The following GHRL variants were observed in gnomAD, a reference collection of about 807,000 sequenced individuals.
The protein encoded by GHRL is appetite-regulating hormone.
Under a neutral mutation model 16.9 loss-of-function variants are expected in GHRL, and 24 were observed. The ratio of observed to expected loss-of-function variants is 1.42; its 90% CI spans 1.03 to 2.00. The LOEUF (loss-of-function observed/expected upper bound fraction) is 2.00, where lower values mean the gene tolerates loss of function less well. Among genes scored for constraint, GHRL ranks in the 30% most tolerant of loss-of-function variants. The pLI is 0.00. For missense variants in GHRL, 193 were observed against 142.1 expected (o/e 1.36, Z -1.82); for synonymous variants, 63 against 58.2 (o/e 1.08, Z -0.37).
intron 4 of GHRL, chr3:10,287,266 TCTC>T (rs1699220808): frequency 6.4e-6 from 1 of 155,332 alleles, no homozygotes; most frequent in African/African-American, 2.4e-5. Context: ...GTCTGTTTCT[TCTC>T]CTTTTTCTCC....
chr3:10,286,488 A>G (rs867966187), intron 5 of GHRL, among the ~76,000 whole-genome samples: 2 of 152,248 alleles, frequency 1.3e-5, no homozygotes, highest in South Asian at 2.1e-4. Context: ...TTAATGTACT[A>G]GTTCTTAGAA....
Position 10,289,851 on chromosome 3 carries a change from C to T in GHRL, c.136G>A (p.Ala46Thr). 1 of 1,613,682 alleles carries T rather than the reference C, an allele frequency of 6.2e-7. No individual in the cohort carries two copies. The highest frequency in any genetic ancestry group is 8.5e-7 in the Non-Finnish European group (1 of 1,179,762). Residue 46 changes from alanine to threonine, a missense_variant, in exon 4 of 6, where the codon GCC (alanine) becomes ACC (threonine). By Grantham distance (58) the Ala-to-Thr change is moderately conservative (BLOSUM62 0). Transcript: ENST00000335542. ...GCTAGAGCTCGGGGCTGCAGCTTGG[C>T]TGGTGGCTTCTTCGACTCCTTTCTC... ...QQRKESKKPP[A>T]KLQPRALAGW...
chr3:10,285,738 G>A lies in GHRL; in HGVS notation c.*137C>T. 2 of 619,840 alleles carry A rather than the reference G, an allele frequency of 3.2e-6. No homozygotes were observed. The allele number at this position is 619,840 out of a possible 1,614,324, so 38.4% of individuals were successfully genotyped here. On this transcript the variant is annotated 3_prime_UTR_variant, in exon 6 of 6. Transcript: ENST00000335542. ...TCCTCTTTGAAATAAATTCCCATTT[G>A]GAACATCAGCATACAGTTTGAACAT...
At chr3:10,290,274 T>TGA in intron 2 of GHRL, 65 bp from the exon 3 acceptor site, 6 of 1,490,352 alleles carry the variant, frequency 4.0e-6, no homozygotes, top group Non-Finnish European at 5.5e-6. Flanking sequence ...CTTGCTCAGG[T>TGA]AGGAGCCCAG....
rs982052946 is a variant in GHRL at position 10,285,993 on chromosome 3, G to T, written c.335-99C>A. ...TTGGAGGTGGGATGTAATGGTGGGG[G>T]TTGTGGGGAAGCACTGGCCTTGGAG... On this transcript the variant is annotated intron_variant, in intron 5 of 5. Transcript: ENST00000335542. The T allele has an allele frequency of 1.2e-5, 13 of 1,091,432 alleles. No homozygotes were observed. In the African/African-American group the frequency reaches 1.4e-4, roughly 12 times the overall value. 67.6% of individuals were successfully genotyped at this position (1,091,432 alleles called of 1,614,324 possible). A position where few individuals can be genotyped will look rare whatever the true frequency, so the allele number is the denominator to read the frequency against.
At chr3:10,286,412 C>A (rs1040265094) in intron 5 of GHRL, among the ~76,000 whole-genome samples, 2 of 152,260 alleles carry the variant, frequency 1.3e-5, no homozygotes, top group South Asian at 2.1e-4. Context: ...TAGACTCTCA[C>A]AATAGGTAAA....
intron 2 of GHRL, chr3:10,290,413 C>T (rs1470546829): frequency 1.9e-6 from 1 of 539,578 alleles, no homozygotes; most frequent in East Asian, 3.2e-5. Flanking sequence ...GGGCAGAACA[C>T]CTGGCAGCAG....
rs1461264305 is a variant in GHRL, at chr3:10,291,331, C to T, written c.-645G>A. On this transcript the variant is annotated 5_prime_UTR_variant, in exon 2 of 6. Transcript: ENST00000335542. ...AGTGGCTATGCTTCAGTCATTTCTG[C>T]CAGGTGTGACATGACTGCCTGGCCT... is the stretch of plus-strand genomic sequence containing the variant. The T allele has an allele frequency of 5.1e-6, 5 of 985,422 alleles. No individual in the cohort carries two copies. Among genetic ancestry groups the T allele is most frequent in the Non-Finnish European group, 6.0e-6 (5 of 829,998 alleles). The allele number at this position is 985,422 out of a possible 1,614,324, so 61.0% of individuals were successfully genotyped here.
rs1216413403 is a variant in GHRL at position 10,290,126 on chromosome 3, C to T, written c.55G>A (p.Asp19Asn). The change falls in exon 3 of 6, where the codon GAC becomes AAC. Residue 19 changes from aspartate to asparagine, a missense_variant. Transcript: ENST00000335542. ...SLLLLGMLWL[D>N]LAMAGSSFLS... is the part of the protein sequence containing the mutation. ...AAGCTGGAGCCTGCCATGGCCAAGT[C>T]CAGCCAGAGCATGCCGAGGAGCAGG... The T allele has an allele frequency of 1.2e-6, 2 of 1,613,416 alleles. No individual in the cohort carries two copies. The highest frequency in any genetic ancestry group is 1.7e-6 in the Non-Finnish European group (2 of 1,179,900).
rs1226229908 is a variant in GHRL at position 10,289,861 on chromosome 3, C to T, written c.126G>A (p.Lys42=). The part of the protein sequence containing the change: ...HQRVQQRKES[K]KPPAKLQPRA... ...GGGGCTGCAGCTTGGCTGGTGGCTT[C>T]TTCGACTCCTTTCTCTGCTGGAAGG... The change falls in exon 4 of 6, where the codon AAG becomes AAA. Residue 42 remains lysine (K), a synonymous_variant. Transcript: ENST00000335542. 1.9e-6 allele frequency: 3 copies of T among 1,613,128 alleles called. No individual in the cohort carries two copies. The highest frequency in any genetic ancestry group is 2.5e-6 in the Non-Finnish European group (3 of 1,179,346).
Position 10,285,669 on chromosome 3 carries a change from TTATTTG to T in GHRL, c.*200_*205del. On this transcript the variant is annotated 3_prime_UTR_variant, in exon 6 of 6. Transcript: ENST00000335542. ...ACAGACCATAAACCAAGAATTATTT[TTATTTG>T]TATTATTTTGATTTTTTTAAAGTAA... 1 of 519,812 alleles carries T rather than the reference TTATTTG, an allele frequency of 1.9e-6. No individual in the cohort carries two copies. The highest frequency in any genetic ancestry group is 3.5e-6 in the Non-Finnish European group (1 of 285,628). 32.2% of individuals were successfully genotyped at this position (519,812 alleles called of 1,614,324 possible).
intron 2 of GHRL, 189 bp from the exon 3 acceptor site, chr3:10,290,398 G>T (rs367945789): frequency 1.6e-5 from 9 of 580,320 alleles, no homozygotes; most frequent in African/African-American, 1.5e-4. Context: ...CTCCAAGGCC[G>T]TTCAGGGCAG....
In GHRL at chr3:10,290,168, C is replaced by G. The variant is rs1699759049; in HGVS notation, c.13G>C (p.Gly5Arg). The change falls in exon 3 of 6, where the codon GGG becomes CGG. Residue 5 changes from glycine (G) to arginine (R), a missense_variant. By Grantham distance (125) the Gly-to-Arg change is moderately radical. Coordinates refer to ENST00000335542, the MANE Select transcript of GHRL (RefSeq NM_016362.5). ...AGGAGCAGGAGGCTGCAGACGGTCCCTGGGGAGGGCATGGCCTCAGCTGGG... is the reference window on the plus strand; with the variant it reads ...AGGAGCAGGAGGCTGCAGACGGTCCGTGGGGAGGGCATGGCCTCAGCTGGG... MPSPGTVCSLLLLGM... is the reference protein window; with the variant it reads MPSPRTVCSLLLLGM... 1 of 1,611,644 alleles carries G rather than the reference C, an allele frequency of 6.2e-7. No individual in the cohort carries two copies. Among genetic ancestry groups the G allele is most frequent in the Admixed American group, 1.7e-5 (1 of 59,762 alleles).
intron 4 of GHRL, 91 bp downstream of exon 4, chr3:10,289,671 C>A: frequency 1.2e-6 from 1 of 829,664 alleles, no homozygotes; most frequent in East Asian, 2.4e-5. Flanking sequence ...GTAGTTGGGA[C>A]CCTGTTCACT....
Position 10,291,231 on chromosome 3 carries a change from G to A in GHRL, c.-545C>T. 1.0e-6 allele frequency: 1 copy of A among 985,554 alleles called. No individual in the cohort carries two copies. Among genetic ancestry groups the A allele is most frequent in the Non-Finnish European group, 1.2e-6 (1 of 830,012 alleles). The allele number at this position is 985,554 out of a possible 1,614,324, so 61.1% of individuals were successfully genotyped here. ...GGTGATTCTACACCTTCCCGAGGAGGAGTCCCACCTCCCGGTTGAGCAGAC... is the reference window on the plus strand; with the variant it reads ...GGTGATTCTACACCTTCCCGAGGAGAAGTCCCACCTCCCGGTTGAGCAGAC... On this transcript the variant is annotated 5_prime_UTR_variant, in exon 2 of 6. Coordinates refer to ENST00000335542, the MANE Select transcript of GHRL (RefSeq NM_016362.5).
Position 10,285,894 on chromosome 3 carries a change from T to C in GHRL, c.335A>G (p.Glu112Gly). 2 of 1,613,194 alleles carry C rather than the reference T, an allele frequency of 1.2e-6. No individual in the cohort carries two copies. The highest frequency in any genetic ancestry group is 1.7e-6 in the Non-Finnish European group (2 of 1,179,226). ...LQDILWEEAKEAPADK is the reference protein window; with the variant it reads ...LQDILWEEAKGAPADK ...GGGCGATCACTTGTCGGCTGGGGCC[T>C]CTGGAAAGCAAGAGGTTGAGTAAGA... The change falls in exon 6 of 6, where the codon GAG (glutamate) becomes GGG (glycine). Residue 112 changes from glutamate (E) to glycine (G), a missense_variant and splice_region_variant. By Grantham distance (98) the Glu-to-Gly change is moderately conservative (BLOSUM62 -2). Coordinates refer to ENST00000335542, the MANE Select transcript of GHRL (RefSeq NM_016362.5).
chr3:10,290,754 G>C lies in GHRL; in HGVS notation c.-68C>G. The C allele has an allele frequency of 1.0e-6, 1 of 996,050 alleles. No individual in the cohort carries two copies. Among genetic ancestry groups the C allele is most frequent in the Non-Finnish European group, 1.2e-6 (1 of 836,556 alleles). 61.7% of individuals were successfully genotyped at this position (996,050 alleles called of 1,614,324 possible). On this transcript the variant is annotated 5_prime_UTR_variant, in exon 2 of 6. Transcript: ENST00000335542. ...CGGAGGTGGTGCCTGGTGGCTGTCA[G>C]GTCCTTATATAGGATGACTGGCGTT... is the stretch of plus-strand genomic sequence containing the variant.
At chr3:10,292,805 G>A (rs1559482697) in intron 1 of GHRL, 37 bp downstream of exon 1, 4 of 1,242,856 alleles carry the variant, frequency 3.2e-6, no homozygotes, top group Non-Finnish European at 4.5e-6. Flanking sequence ...TAACTGTGGT[G>A]ACCAGGTACC....
intron 4 of GHRL, among the ~76,000 whole-genome samples, chr3:10,289,429 G>A (rs748397489): frequency 5.6e-4 from 86 of 152,332 alleles, no homozygotes; most frequent in Admixed American, 8.5e-4. Flanking sequence ...TTCAGTCTGG[G>A]CCTGCCGTTT....
Sources: allele counts gnomAD v4.1 joint callset (sites outside exome capture counted in the v4.1 genomes callset), GRCh38; gene constraint gnomAD v4.1.1; transcripts MANE v1.5; gene names NCBI Gene and HGNC (gene_info 2026-07-23, HGNC 2026-07-21).